The following RABL3 variants were observed in gnomAD, a reference collection of about 807,000 sequenced individuals.
RABL3 encodes RAB, member of RAS oncogene family like 3, also known as rab-like protein 3.
RABL3 carries 31 observed loss-of-function variants against 31.8 expected under a neutral mutation model. That is an observed-to-expected ratio of 0.97 (90% CI 0.73 to 1.31). RABL3 has a LOEUF of 1.31. Among genes scored for constraint, RABL3 ranks in the 40% most tolerant of loss-of-function variants. RABL3 has a pLI of 0.00. For missense variants in RABL3, 263 were observed against 279.6 expected, an observed-to-expected ratio of 0.94 and a Z score of 0.42; for synonymous variants, 97 against 99.9, an observed-to-expected ratio of 0.97 and a Z score of 0.18.
chr3:120,720,734 G>T (rs886103148), intron 2 of RABL3, among the ~76,000 whole-genome samples: 2 of 152,230 alleles, frequency 1.3e-5, no homozygotes, highest in Non-Finnish European at 2.9e-5. Context: ...GTGACAGGGA[G>T]AATGGAACCA....
Position 120,685,427 on chromosome 3 carries a change from G to A in RABL3, c.*4396C>T, listed in dbSNP as rs1288918476. 6.6e-6 allele frequency among the ~76,000 whole-genome samples: 1 copy of A among 152,222 alleles called. No homozygotes were observed. Among genetic ancestry groups the A allele is most frequent in the Admixed American group, 6.5e-5 (1 of 15,284 alleles). On this transcript the variant is annotated 3_prime_UTR_variant, in exon 8 of 8. Coordinates refer to ENST00000273375, the MANE Select transcript of RABL3 (RefSeq NM_173825.5). ...CTCGGTAAAGCTTAGTGATTAGCCA[G>A]CTGAGAAAACACAGTACTAGAGAGG...
intron 6 of RABL3, among the ~76,000 whole-genome samples, chr3:120,692,929 A>G (rs1412662592): frequency 6.6e-6 from 1 of 152,232 alleles, no homozygotes; most frequent in African/African-American, 2.4e-5. Context: ...TGATGGGGCC[A>G]TAGATCTAAA....
intron 2 of RABL3, among the ~76,000 whole-genome samples, chr3:120,728,038 G>T (rs1245236029): frequency 6.6e-6 from 1 of 152,130 alleles, no homozygotes; most frequent in Non-Finnish European, 1.5e-5. Flanking sequence ...GATGCTTGTT[G>T]GTGCCACTTC....
chr3:120,705,242 G>A (rs1320813208), intron 4 of RABL3, among the ~76,000 whole-genome samples: 1 of 152,120 alleles, frequency 6.6e-6, no homozygotes, highest in Non-Finnish European at 1.5e-5. Context: ...TCTCCAATGT[G>A]ATCAATAGGT....
Position 120,730,800 on chromosome 3 carries a change from C to T in RABL3, c.47-13G>A, listed in dbSNP as rs771598939. 1 of 1,563,960 alleles carries T rather than the reference C, an allele frequency of 6.4e-7. No individual in the cohort carries two copies. Among genetic ancestry groups the T allele is most frequent in the Admixed American group, 1.7e-5 (1 of 59,766 alleles). ...GATTTCCCAACACCTGTAAGAGATA[C>T]AAGAACTCTAGTCACATAAGAGACA... On this transcript the variant is annotated splice_polypyrimidine_tract_variant and intron_variant, in intron 1 of 7. Transcript: ENST00000273375.
At chr3:120,729,996 A>C (rs1328928986) in intron 2 of RABL3, among the ~76,000 whole-genome samples, 2 of 152,216 alleles carry the variant, frequency 1.3e-5, no homozygotes, top group Non-Finnish European at 2.9e-5. Flanking sequence ...TTTTAAAAGC[A>C]ACCAAAGAAG....
intron 2 of RABL3, among the ~76,000 whole-genome samples, chr3:120,711,471 T>C (rs901223473): frequency 9.9e-5 from 15 of 152,148 alleles, no homozygotes; most frequent in Non-Finnish European, 1.8e-4. Flanking sequence ...ATCTCCCTAC[T>C]AGAGGCATCC....
intron 7 of RABL3, 100 bp downstream of exon 7, chr3:120,690,349 A>C (rs1387468471): frequency 1.2e-6 from 1 of 804,602 alleles, no homozygotes; most frequent in East Asian, 2.5e-5. Context: ...TGTGCCTATA[A>C]AGGGCTTTCC....
chr3:120,726,245 G>A (rs950953992), intron 2 of RABL3, among the ~76,000 whole-genome samples: 7 of 152,062 alleles, frequency 4.6e-5, no homozygotes, highest in Admixed American at 1.3e-4. Context: ...AAGGGGTGGA[G>A]AACATATAAG....
chr3:120,709,899 T>C lies in RABL3; in HGVS notation c.149A>G (p.Tyr50Cys), dbSNP rs201571762. The stretch of plus-strand genomic sequence containing the variant: ...CTTCTCTTCTGGGGTTCCTTCTTTG[T>C]AATCATGAACCTAACAAATCAATCA... ...GCSVDVRVHD[Y>C]KEGTPEEKTY... is the part of the protein sequence containing the mutation. Residue 50 changes from tyrosine (Y) to cysteine (C), a missense_variant, in exon 3 of 8, where the codon TAC becomes TGC. Transcript: ENST00000273375. The C allele has an allele frequency of 2.3e-5, 36 of 1,597,724 alleles. No individual in the cohort carries two copies. The highest frequency in any genetic ancestry group is 2.9e-5 in the Non-Finnish European group (34 of 1,171,344).
intron 2 of RABL3, among the ~76,000 whole-genome samples, chr3:120,711,803 C>T (rs570208197): frequency 7.2e-5 from 11 of 152,154 alleles, no homozygotes; most frequent in African/African-American, 2.4e-4. Context: ...GGATTAAATA[C>T]TAGGCATGTG....
chr3:120,716,804 G>T (rs546557792), intron 2 of RABL3, among the ~76,000 whole-genome samples: 2 of 152,124 alleles, frequency 1.3e-5, no homozygotes, highest in South Asian at 2.1e-4. Context: ...TTAGGTAAAG[G>T]CTTTATAAGC....
chr3:120,702,348 C>T (rs932550934), intron 4 of RABL3, among the ~76,000 whole-genome samples: 5 of 152,072 alleles, frequency 3.3e-5, no homozygotes, highest in Admixed American at 1.3e-4. Flanking sequence ...CATAAGAAGC[C>T]TGCAACCTAG....
intron 2 of RABL3, among the ~76,000 whole-genome samples, chr3:120,713,593 C>T (rs536634038): frequency 4.6e-5 from 7 of 152,232 alleles, no homozygotes; most frequent in South Asian, 4.1e-4. Flanking sequence ...AAAGTCATTA[C>T]AGACCTTACA....
At chr3:120,735,100 AAT>A (rs1167852975) in intron 1 of RABL3, among the ~76,000 whole-genome samples, 1 of 152,044 alleles carries the variant, frequency 6.6e-6, no homozygotes, top group East Asian at 1.9e-4. Context: ...CGTTGATTGG[AAT>A]AGTTTCAGAA....
At chr3:120,735,815 T>C (rs1169867057) in intron 1 of RABL3, among the ~76,000 whole-genome samples, 4 of 152,204 alleles carry the variant, frequency 2.6e-5, no homozygotes. Context: ...CAGTAGTCAT[T>C]CAGGAGTAGG....
intron 3 of RABL3, among the ~76,000 whole-genome samples, chr3:120,709,207 A>C (rs73181938): frequency 0.021 from 3,245 of 152,172 alleles, 54 homozygotes; most frequent in Middle Eastern, 0.054. Flanking sequence ...CTTGACACAG[A>C]GTAGGTACTC....
Position 120,689,799 on chromosome 3 carries a change from A to C in RABL3, c.*24T>G. The C allele has an allele frequency of 6.4e-7, 1 of 1,557,120 alleles. No homozygotes were observed. Among genetic ancestry groups the C allele is most frequent in the Non-Finnish European group, 8.9e-7 (1 of 1,129,666 alleles). ...TGTGAAAAACTGCCACTGCTTGCTCACTCTTCCAAAGGATGAGTGTAATTC... is the reference window on the plus strand; with the variant it reads ...TGTGAAAAACTGCCACTGCTTGCTCCCTCTTCCAAAGGATGAGTGTAATTC... On this transcript the variant is annotated 3_prime_UTR_variant, in exon 8 of 8. Transcript: ENST00000273375.
chr3:120,742,058 C>T (rs1306025827), intron 1 of RABL3, among the ~76,000 whole-genome samples: 1 of 151,940 alleles, frequency 6.6e-6, no homozygotes, highest in Non-Finnish European at 1.5e-5. Flanking sequence ...TTTCTCAGTG[C>T]ACGTTTGACT....
Sources: allele counts gnomAD v4.1 joint callset (sites outside exome capture counted in the v4.1 genomes callset), GRCh38; gene constraint gnomAD v4.1.1; transcripts MANE v1.5; gene names NCBI Gene and HGNC (gene_info 2026-07-23, HGNC 2026-07-21).